Variants in SORT1 observed in about 807,000 individuals in gnomAD.
The protein encoded by SORT1 is sortilin.
A neutral mutation model predicts 101.7 loss-of-function variants in SORT1; 39 were observed. The ratio of observed to expected loss-of-function variants is 0.38; its 90% CI spans 0.30 to 0.50. The LOEUF (loss-of-function observed/expected upper bound fraction) is 0.50, where lower values mean the gene tolerates loss of function less well. Ranked by LOEUF, SORT1 falls within the 20% of genes least tolerant of loss-of-function variation. SORT1 has a pLI of 0.90. For synonymous variants in SORT1, 396 were observed against 393.7 expected (o/e 1.01, Z -0.07); for missense variants, 878 against 1,040.4 (o/e 0.84, Z 2.15).
Position 109,323,016 on chromosome 1 carries a change from T to C in SORT1, c.1940A>G (p.Lys647Arg), listed in dbSNP as rs1221440328. Reference protein sequence around the residue: ...GYKEQFLRLRKSSVCQNGRDY... With the variant: ...GYKEQFLRLRRSSVCQNGRDY... ...TCGACCATTCTGACACACGGATGAC[T>C]TGCGTAGCCGCAGAAACTGTTCTTT... The change falls in exon 15 of 20, where the codon AAG becomes AGG. Residue 647 changes from lysine (K) to arginine (R), a missense_variant. Around this residue, in one of 2 missense-constraint regions of SORT1, gnomAD observed 684 missense variants for 894.5 expected, o/e 0.76. Transcript: ENST00000256637. 1 of 1,614,228 alleles carries C rather than the reference T, an allele frequency of 6.2e-7. No individual in the cohort carries two copies. The highest frequency in any genetic ancestry group is 1.1e-5 in the South Asian group (1 of 91,092).
chr1:109,389,585 C>T (rs6683435), intron 1 of SORT1, among the ~76,000 whole-genome samples: 3 of 152,196 alleles, frequency 2.0e-5, no homozygotes, highest in African/African-American at 7.2e-5. Flanking sequence ...CCATTAAGCA[C>T]ATTATCAGCA....
chr1:109,340,646 G>C (rs935449745), intron 10 of SORT1, 78 bp downstream of exon 10: 7 of 1,442,708 alleles, frequency 4.9e-6, no homozygotes, highest in East Asian at 2.3e-5. Context: ...ACATTACTAG[G>C]GGACAGGTTC....
chr1:109,395,594 A>C (rs776385732), intron 1 of SORT1, among the ~76,000 whole-genome samples: 1 of 152,188 alleles, frequency 6.6e-6, no homozygotes, highest in Non-Finnish European at 1.5e-5. Flanking sequence ...TATTGCAAAC[A>C]GCTAAATGAA....
At chr1:109,389,088 T>C (rs1652748712) in intron 1 of SORT1, among the ~76,000 whole-genome samples, 1 of 152,218 alleles carries the variant, frequency 6.6e-6, no homozygotes, top group Non-Finnish European at 1.5e-5. Flanking sequence ...TTAATACACA[T>C]GCTCCTCAGG....
intron 13 of SORT1, among the ~76,000 whole-genome samples, chr1:109,326,456 TATATATATAC>T (rs1460066441): frequency 0.013 from 406 of 30,280 alleles, 7 homozygotes; most frequent in African/African-American, 0.025. Context: ...TATATATATA[TATATATATAC>T]ATACACACAC....
chr1:109,336,103 A>G (rs1648807714), intron 11 of SORT1, 137 bp downstream of exon 11: 1 of 604,610 alleles, frequency 1.7e-6, no homozygotes, highest in Non-Finnish European at 3.0e-6. Context: ...AGTTAATTTC[A>G]TTACTCTCAT....
intron 8 of SORT1, among the ~76,000 whole-genome samples, chr1:109,344,206 T>A (rs1264373031): frequency 6.6e-6 from 1 of 152,190 alleles, no homozygotes; most frequent in Non-Finnish European, 1.5e-5. Context: ...CTCCCCAGCT[T>A]GGACTCCTGA....
In SORT1 at chr1:109,348,455, AT is replaced by A. The variant is rs1300677050; in HGVS notation, c.783-924del. Among the ~76,000 whole-genome samples the A allele has an allele frequency of 3.3e-5, 5 of 152,210 alleles. No homozygotes were observed. The South Asian group carries it at 8.3e-4, about 25-fold the overall frequency. Reference sequence around the variant, plus strand: ...TGCATAGGATACAAAACAAAATCCTATTTTAAAATAACTTTTTAGTTTTAAA... The same window carrying A: ...TGCATAGGATACAAAACAAAATCCTATTTAAAATAACTTTTTAGTTTTAAA... On this transcript the variant is annotated intron_variant, in intron 6 of 19. Coordinates refer to ENST00000256637, the MANE Select transcript of SORT1 (RefSeq NM_002959.7).
intron 1 of SORT1, among the ~76,000 whole-genome samples, chr1:109,386,803 C>T (rs577910290): frequency 1.1e-3 from 161 of 152,356 alleles, no homozygotes; most frequent in Non-Finnish European, 2.0e-3. Flanking sequence ...GTACCTATCA[C>T]ATTTCACTAA....
At chr1:109,368,092 G>A (rs1651211645) in intron 2 of SORT1, among the ~76,000 whole-genome samples, 1 of 151,900 alleles carries the variant, frequency 6.6e-6, no homozygotes, top group Admixed American at 6.6e-5. Context: ...TCAGAAGTTC[G>A]AGACTAGCCT....
chr1:109,387,885 G>C (rs1425644400), intron 1 of SORT1, among the ~76,000 whole-genome samples: 1 of 152,144 alleles, frequency 6.6e-6, no homozygotes, highest in African/African-American at 2.4e-5. Context: ...CAGAGGCGGA[G>C]GTTGCAGTGA....
intron 15 of SORT1, among the ~76,000 whole-genome samples, chr1:109,318,623 A>G (rs1647405612): frequency 6.6e-6 from 1 of 151,808 alleles, no homozygotes; most frequent in Non-Finnish European, 1.5e-5. Flanking sequence ...GCAGCTCTCA[A>G]CTCAGGGATA....
At chr1:109,377,395 C>A (rs897857214) in intron 1 of SORT1, among the ~76,000 whole-genome samples, 2 of 152,140 alleles carry the variant, frequency 1.3e-5, no homozygotes, top group Non-Finnish European at 2.9e-5. Context: ...CTCATGATAG[C>A]TGTTTGTCCT....
intron 1 of SORT1, among the ~76,000 whole-genome samples, chr1:109,374,335 G>C (rs1239790044): frequency 2.6e-5 from 4 of 152,110 alleles, no homozygotes; most frequent in Non-Finnish European, 5.9e-5. Flanking sequence ...CATTTTGGGA[G>C]GCCAAGGTGG....
intron 1 of SORT1, among the ~76,000 whole-genome samples, chr1:109,395,139 TTTTTAA>T (rs1351889130): frequency 1.3e-5 from 2 of 152,068 alleles, no homozygotes; most frequent in East Asian, 3.9e-4. Flanking sequence ...ACTTTTTTTT[TTTTTAA>T]CCAGATACAG....
At chr1:109,338,431 G>A (rs1424597713) in intron 10 of SORT1, among the ~76,000 whole-genome samples, 2 of 152,218 alleles carry the variant, frequency 1.3e-5, no homozygotes, top group East Asian at 1.9e-4. Flanking sequence ...ACCTCCTACC[G>A]AAAAATAAAT....
chr1:109,365,627 A>C (rs1651034507), intron 3 of SORT1, among the ~76,000 whole-genome samples: 1 of 152,230 alleles, frequency 6.6e-6, no homozygotes, highest in Non-Finnish European at 1.5e-5. Context: ...TAACCATCTA[A>C]AAATTATAAA....
chr1:109,397,654 G>C lies in SORT1; in HGVS notation c.239C>G (p.Pro80Arg). The C allele has an allele frequency of 2.4e-6, 3 of 1,231,178 alleles. No homozygotes were observed. Among genetic ancestry groups the C allele is most frequent in the Non-Finnish European group, 3.1e-6 (3 of 980,124 alleles). The allele number at this position is 1,231,178 out of a possible 1,614,324, so 76.3% of individuals were successfully genotyped here. ...PRGGRWRRSA[P>R]GEDEECGRVR... ...CCGGCCGCACTCCTCGTCCTCGCCC[G>C]GCGCGCTGCGACGCCAACGGCCGCC... The change falls in exon 1 of 20, where the codon CCG becomes CGG. Residue 80 changes from proline (P) to arginine (R), a missense_variant. Around this residue, in one of 2 missense-constraint regions of SORT1, gnomAD observed 194 missense variants for 145.9 expected, o/e 1.33. Coordinates refer to ENST00000256637, the MANE Select transcript of SORT1 (RefSeq NM_002959.7).
At chr1:109,381,969 G>C (rs770291988) in intron 1 of SORT1, among the ~76,000 whole-genome samples, 7 of 151,764 alleles carry the variant, frequency 4.6e-5, no homozygotes, top group Non-Finnish European at 1.0e-4. Context: ...CTTCTTTATA[G>C]TTTTTCTAGA....
Sources: allele counts gnomAD v4.1 joint callset (sites outside exome capture counted in the v4.1 genomes callset), GRCh38; gene constraint gnomAD v4.1.1; regional missense constraint gnomAD v4.1.1; transcripts MANE v1.5; gene names NCBI Gene and HGNC (gene_info 2026-07-23, HGNC 2026-07-21).